LPAR1: variants seen among roughly 807,000 people sequenced by gnomAD.
LPAR1 encodes LPA receptor 1.
In LPAR1, 5 loss-of-function variants were observed where a neutral mutation model predicts 23.8. The observed-to-expected ratio is 0.21, with a 90% confidence interval of 0.11 to 0.44. LPAR1 has a LOEUF of 0.44. Among genes scored for constraint, LPAR1 ranks in the 20% least tolerant of loss-of-function variants. The pLI is 0.99. For missense variants in LPAR1, 311 were observed against 482.8 expected, an observed-to-expected ratio of 0.64 and a Z score of 3.33; for synonymous variants, 160 against 164.7, an observed-to-expected ratio of 0.97 and a Z score of 0.22.
At chr9:111,032,698 G>T (rs1446864206) in intron 2 of LPAR1, among the ~76,000 whole-genome samples, 1 of 152,150 alleles carries the variant, frequency 6.6e-6, no homozygotes, top group African/African-American at 2.4e-5. Flanking sequence ...AGAACAGATC[G>T]ATATAAAGTC....
At chr9:110,896,242 A>G (rs1163414044) in intron 5 of LPAR1, among the ~76,000 whole-genome samples, 2 of 152,164 alleles carry the variant, frequency 1.3e-5, no homozygotes, top group African/African-American at 4.8e-5. Flanking sequence ...TTATATTTTC[A>G]AAAACATTGC....
intron 5 of LPAR1, among the ~76,000 whole-genome samples, chr9:110,919,003 C>G (rs1196436475): frequency 3.3e-5 from 5 of 152,098 alleles, no homozygotes; most frequent in Non-Finnish European, 5.9e-5. Context: ...TGAGCAGAAC[C>G]TGTAACTTGC....
intron 5 of LPAR1, among the ~76,000 whole-genome samples, chr9:110,915,802 G>A (rs994316315): frequency 4.6e-5 from 7 of 152,022 alleles, no homozygotes; most frequent in South Asian, 4.2e-4. Flanking sequence ...TTTTCCATAC[G>A]TTATCATCAA....
At chr9:110,995,916 T>C (rs771218022) in intron 2 of LPAR1, among the ~76,000 whole-genome samples, 1 of 152,210 alleles carries the variant, frequency 6.6e-6, no homozygotes, top group Non-Finnish European at 1.5e-5. Flanking sequence ...TTAAAAATAA[T>C]GGCTGAAGTC....
chr9:110,981,746 G>C (rs2096671578), intron 2 of LPAR1, among the ~76,000 whole-genome samples: 1 of 151,908 alleles, frequency 6.6e-6, no homozygotes, highest in Non-Finnish European at 1.5e-5. Flanking sequence ...TAGAAATTAT[G>C]GACATACAGA....
At chr9:111,012,764 C>A (rs527439288) in intron 2 of LPAR1, among the ~76,000 whole-genome samples, 3 of 151,970 alleles carry the variant, frequency 2.0e-5, no homozygotes, top group African/African-American at 7.2e-5. Flanking sequence ...TGGTAAAAAA[C>A]TAAGAAACTG....
chr9:110,982,322 T>G (rs2096684832), intron 2 of LPAR1, among the ~76,000 whole-genome samples: 5 of 152,172 alleles, frequency 3.3e-5, no homozygotes, highest in Admixed American at 3.3e-4. Context: ...TTATGTCCTT[T>G]TCAGGGACAT....
intron 2 of LPAR1, among the ~76,000 whole-genome samples, chr9:111,000,046 C>T (rs1331793698): frequency 1.3e-5 from 2 of 152,128 alleles, no homozygotes; most frequent in Admixed American, 1.3e-4. Context: ...TAATCTCATT[C>T]ATGAGGGCGG....
intron 5 of LPAR1, among the ~76,000 whole-genome samples, chr9:110,892,814 AAGGAAGGAAGGAAGGCAGGCAGGCAGGC>A (rs1355363387): frequency 2.0e-4 from 21 of 102,766 alleles, no homozygotes; most frequent in African/African-American, 9.0e-4. Context: ...GGAAGGAAGG[AAGGAAGGAAGGAAGGCAGGCAGGCAGGC>A]AGGCAGGCAG....
intron 5 of LPAR1, among the ~76,000 whole-genome samples, chr9:110,885,256 T>TG (rs1036320925): frequency 2.0e-5 from 3 of 152,146 alleles, no homozygotes; most frequent in Non-Finnish European, 4.4e-5. Flanking sequence ...ATGCAGTGGG[T>TG]GGGGGGTCAT....
At chr9:111,032,632 G>A (rs1268901905) in intron 2 of LPAR1, among the ~76,000 whole-genome samples, 2 of 152,102 alleles carry the variant, frequency 1.3e-5, no homozygotes, top group South Asian at 4.1e-4. Flanking sequence ...TCAGAATCAG[G>A]GCAGTTAAGG....
In LPAR1 at chr9:111,006,929, T is replaced by G. The variant is rs186301718; in HGVS notation, c.-182+29193A>C. 9.0e-4 allele frequency among the ~76,000 whole-genome samples: 137 copies of G among 152,142 alleles called. 1 individual carries two copies. Among genetic ancestry groups the G allele is most frequent in the African/African-American group, 3.2e-3 (133 of 41,518 alleles). ...GGCCTGATGGGAGGTGTTTGGATCATGGGGACAGATCCCTCATGAATGGTT... is the reference window on the plus strand; with the variant it reads ...GGCCTGATGGGAGGTGTTTGGATCAGGGGGACAGATCCCTCATGAATGGTT... On this transcript the variant is annotated intron_variant, in intron 2 of 5. Transcript: ENST00000683809.
intron 5 of LPAR1, among the ~76,000 whole-genome samples, chr9:110,904,445 G>A (rs2090525162): frequency 6.6e-6 from 1 of 152,142 alleles, no homozygotes; most frequent in Non-Finnish European, 1.5e-5. Context: ...CATGTGTATT[G>A]TAATGAGATA....
intron 4 of LPAR1, among the ~76,000 whole-genome samples, chr9:110,947,006 GA>G (rs1174954691): frequency 6.1e-5 from 9 of 148,198 alleles, no homozygotes; most frequent in African/African-American, 2.0e-4. Context: ...AAAAACCACT[GA>G]ACTGAATAAT....
intron 2 of LPAR1, among the ~76,000 whole-genome samples, chr9:110,975,175 A>G (rs1465054072): frequency 1.3e-5 from 2 of 152,276 alleles, no homozygotes; most frequent in African/African-American, 2.4e-5. Context: ...ATTAAGCAAT[A>G]TAACCTTAAA....
intron 2 of LPAR1, among the ~76,000 whole-genome samples, chr9:111,014,859 C>G (rs372430691): frequency 6.6e-6 from 1 of 151,998 alleles, no homozygotes; most frequent in East Asian, 1.9e-4. Flanking sequence ...CCTTCCTGTT[C>G]TAGGCTAAAC....
intron 5 of LPAR1, among the ~76,000 whole-genome samples, chr9:110,884,635 G>A (rs1356246605): frequency 3.3e-5 from 5 of 152,162 alleles, no homozygotes; most frequent in African/African-American, 1.2e-4. Flanking sequence ...ACCTGAAACT[G>A]TCACAATGTC....
intron 5 of LPAR1, among the ~76,000 whole-genome samples, chr9:110,922,102 A>G (rs2093670837): frequency 6.6e-6 from 1 of 152,208 alleles, no homozygotes; most frequent in Non-Finnish European, 1.5e-5. Context: ...CTGGGGAAGA[A>G]GAGTCAATGA....
intron 2 of LPAR1, among the ~76,000 whole-genome samples, chr9:110,994,940 C>T (rs1434458252): frequency 6.6e-6 from 1 of 152,096 alleles, no homozygotes. Flanking sequence ...CAGTCAACAG[C>T]GCAGGCAGCA....
Sources: allele counts gnomAD v4.1 joint callset (sites outside exome capture counted in the v4.1 genomes callset), GRCh38; gene constraint gnomAD v4.1.1; transcripts MANE v1.5; gene names NCBI Gene and HGNC (gene_info 2026-07-23, HGNC 2026-07-21).